The following LYSMD2 variants were observed in gnomAD, a reference collection of about 807,000 sequenced individuals.
The protein encoded by LYSMD2 is LysM domain containing 2, also known as lysM and putative peptidoglycan-binding domain-containing protein 2.
A neutral mutation model predicts 17.7 loss-of-function variants in LYSMD2; 6 were observed. The ratio of observed to expected loss-of-function variants is 0.34; its 90% CI spans 0.19 to 0.67. The LOEUF (loss-of-function observed/expected upper bound fraction) is 0.67. Among genes scored for constraint, LYSMD2 ranks in the 30% least tolerant of loss-of-function variants. The pLI is 0.69. For missense variants in LYSMD2, 237 were observed against 286.7 expected (o/e 0.83, Z 1.25); for synonymous variants, 102 against 129.8 (o/e 0.79, Z 1.45).
intron 1 of LYSMD2, among the ~76,000 whole-genome samples, chr15:51,748,305 C>CT (rs1215339159): frequency 9.3e-6 from 1 of 108,014 alleles, no homozygotes; most frequent in African/African-American, 3.6e-5. Flanking sequence ...GAAAATGAGG[C>CT]TTAAGGGAGG....
At chr15:51,740,757 A>C (rs1315405633), upstream of LYSMD2, among the ~76,000 whole-genome samples, 2 of 152,190 alleles carry the variant, frequency 1.3e-5, no homozygotes, top group Non-Finnish European at 2.9e-5. Flanking sequence ...TAAATTTAAC[A>C]AGAGAAAATT....
chr15:51,735,186 A>T (rs1473113948), intron 1 of LYSMD2, among the ~76,000 whole-genome samples: 1 of 152,102 alleles, frequency 6.6e-6, no homozygotes, highest in Admixed American at 6.5e-5. Context: ...AAAAAAAAAA[A>T]ATCTGAAGAT....
In LYSMD2 at chr15:51,737,280, C is replaced by A. The variant is rs1256606227; in HGVS notation, c.273+70G>T. 1 of 1,189,970 alleles carries A rather than the reference C, an allele frequency of 8.4e-7. No individual in the cohort carries two copies. The highest frequency in any genetic ancestry group is 1.6e-5 in the African/African-American group (1 of 62,276). 73.7% of individuals were successfully genotyped at this position (1,189,970 alleles called of 1,614,324 possible). A position where few individuals can be genotyped will look rare whatever the true frequency, so the allele number is the denominator to read the frequency against. ...CCCGCAGTCCCACCCCCACCCCCAC[C>A]GCACCCCGAGCCGCACCGCCTCCTG... On this transcript the variant is annotated intron_variant, in intron 1 of 2. Coordinates refer to ENST00000267838, the MANE Select transcript of LYSMD2 (RefSeq NM_153374.3). This position sits in a 1 kb window ranked among gnomAD's most constrained non-coding sequence, Gnocchi z 4.2.
At chr15:51,728,229 T>G (rs1242755891) in intron 1 of LYSMD2, among the ~76,000 whole-genome samples, 1 of 151,662 alleles carries the variant, frequency 6.6e-6, no homozygotes, top group East Asian at 2.0e-4. Flanking sequence ...CTGACCAACA[T>G]AGCAAAACCT....
In LYSMD2 at chr15:51,726,035, A is replaced by C. The variant is rs79355780; in HGVS notation, c.274-914T>G. On this transcript the variant is annotated intron_variant, in intron 1 of 2. Transcript: ENST00000267838. ...AAAAAAATTGTATTTCTACTTCAAA[A>C]AGCCTGCAAAAACAACAGTCAACTA... Among the ~76,000 whole-genome samples the C allele has an allele frequency of 5.0e-3, 756 of 152,344 alleles. 27 individuals carry two copies. The East Asian group carries it at 0.082, about 16-fold the overall frequency.
At chr15:51,742,395 C>T (rs2141602099), upstream of LYSMD2, among the ~76,000 whole-genome samples, 2 of 152,304 alleles carry the variant, frequency 1.3e-5, 1 homozygote, top group South Asian at 4.1e-4. Context: ...TACTTTCGGT[C>T]ATATTAATTT....
At chr15:51,747,666 T>C (rs894205836) in intron 1 of LYSMD2, among the ~76,000 whole-genome samples, 3 of 152,242 alleles carry the variant, frequency 2.0e-5, no homozygotes, top group African/African-American at 7.2e-5. Context: ...ATAAGCTTTC[T>C]CTCCTTTTAT....
intron 1 of LYSMD2, among the ~76,000 whole-genome samples, chr15:51,729,649 G>T (rs1384887371): frequency 6.6e-6 from 1 of 152,138 alleles, no homozygotes; most frequent in East Asian, 1.9e-4. Flanking sequence ...TAGTAGAGAC[G>T]GGCTTTCGCC....
rs1284065047 is a variant in LYSMD2 at position 51,724,814 on chromosome 15, G to A, written c.581C>T (p.Ala194Val). 3 of 1,613,306 alleles carry A rather than the reference G, an allele frequency of 1.9e-6. No individual in the cohort carries two copies. The highest frequency in any genetic ancestry group is 3.3e-5 in the Admixed American group (2 of 59,954). ...CCTGCTCTCTTCTTTTAGCTTCTTGGCTGCCTGTGTTGATAACTTAATCTG... is the reference window on the plus strand; with the variant it reads ...CCTGCTCTCTTCTTTTAGCTTCTTGACTGCCTGTGTTGATAACTTAATCTG... ...DLQIKLSTQA[A>V]KKLKEESRDE... Residue 194 changes from alanine to valine, a missense_variant, in exon 2 of 3, where the codon GCC becomes GTC. By Grantham distance (64) the Ala-to-Val change is moderately conservative. Transcript: ENST00000267838.
intron 1 of LYSMD2, among the ~76,000 whole-genome samples, chr15:51,728,276 AG>A (rs1403050237): frequency 2.0e-5 from 3 of 151,926 alleles, no homozygotes; most frequent in African/African-American, 7.3e-5. Flanking sequence ...AAAATTAGCC[AG>A]GCGTGGTGGC....
intron 1 of LYSMD2, among the ~76,000 whole-genome samples, chr15:51,729,784 C>A (rs2055565197): frequency 6.6e-6 from 1 of 152,200 alleles, no homozygotes; most frequent in Non-Finnish European, 1.5e-5. Flanking sequence ...ATACTTCTGT[C>A]TGAACGTAGC....
intron 1 of LYSMD2, among the ~76,000 whole-genome samples, chr15:51,731,742 T>C (rs969534730): frequency 3.9e-5 from 6 of 152,054 alleles, no homozygotes; most frequent in Non-Finnish European, 8.8e-5. Flanking sequence ...TCTCTGGAGG[T>C]TTCTCCAGGG....
rs745633478 is a variant in LYSMD2, at chr15:51,724,774, A to C, written c.605+16T>G. 1 of 1,585,148 alleles carries C rather than the reference A, an allele frequency of 6.3e-7. No homozygotes were observed. Among genetic ancestry groups the C allele is most frequent in the Non-Finnish European group, 8.6e-7 (1 of 1,160,052 alleles). Reference sequence around the variant, plus strand: ...GATTTATTTAGACTTTGACATTTGTACCAGGGTATTCTTACCTGCTCTCTT... The same window carrying C: ...GATTTATTTAGACTTTGACATTTGTCCCAGGGTATTCTTACCTGCTCTCTT... On this transcript the variant is annotated intron_variant, in intron 2 of 2. Transcript: ENST00000267838.
At chr15:51,740,759 G>A (rs1259638929), upstream of LYSMD2, among the ~76,000 whole-genome samples, 2 of 151,086 alleles carry the variant, frequency 1.3e-5, no homozygotes, top group African/African-American at 4.9e-5. Context: ...AATTTAACAA[G>A]AGAAAATTGT....
At chr15:51,729,425 G>GATTTTTGCTTTGGT (rs1264465155) in intron 1 of LYSMD2, among the ~76,000 whole-genome samples, 1 of 152,134 alleles carries the variant, frequency 6.6e-6, no homozygotes, top group African/African-American at 2.4e-5. Context: ...ATGGTGAAAC[G>GATTTTTGCTTTGGT]ATGTTTTCTT....
chr15:51,730,243 C>A (rs1276411119), intron 1 of LYSMD2, among the ~76,000 whole-genome samples: 1 of 152,192 alleles, frequency 6.6e-6, no homozygotes, highest in Non-Finnish European at 1.5e-5. Context: ...CGTGGTGGCT[C>A]ATGCCTGTAG....
chr15:51,738,039 GAA>G (rs548696179), upstream of LYSMD2: 71 of 138,334 alleles, frequency 5.1e-4, no homozygotes, highest in African/African-American at 1.5e-3. Context: ...TGGCCACGGC[GAA>G]AAAAAAAAAA....
intron 1 of LYSMD2, among the ~76,000 whole-genome samples, chr15:51,730,262 C>T (rs1016499871): frequency 2.6e-5 from 4 of 152,208 alleles, no homozygotes; most frequent in Admixed American, 2.6e-4. Context: ...AGTCCCAAAA[C>T]TTTGGGAGGC....
intron 1 of LYSMD2, among the ~76,000 whole-genome samples, chr15:51,727,835 C>A (rs896935005): frequency 2.0e-5 from 3 of 152,160 alleles, no homozygotes; most frequent in Non-Finnish European, 4.4e-5. Context: ...TGTATGTGGA[C>A]CTTTATGGTC....
Sources: gnomAD v4.1 joint callset for allele counts (sites outside exome capture counted in the v4.1 genomes callset) on GRCh38, gnomAD v4.1.1 for gene constraint, Gnocchi (gnomAD v3.1) non-coding constraint, MANE v1.5 for transcripts, NCBI Gene and HGNC (gene_info 2026-07-23, HGNC 2026-07-21) for gene names.